DIP2B: variants seen among roughly 807,000 people sequenced by gnomAD.
DIP2B encodes the protein disco-interacting protein 2 homolog B.
In DIP2B, 76 loss-of-function variants were observed where a neutral mutation model predicts 198.0. The ratio of observed to expected loss-of-function variants is 0.38; its 90% CI spans 0.32 to 0.46. The LOEUF is 0.46. Ranked by LOEUF, DIP2B falls within the 20% of genes least tolerant of loss-of-function variation. The pLI, the probability that DIP2B is intolerant of heterozygous loss-of-function variation, is 0.99. For missense variants in DIP2B, 1,559 were observed against 1,978.4 expected, an observed-to-expected ratio of 0.79 and a Z score of 4.02; for synonymous variants, 701 against 739.1, an observed-to-expected ratio of 0.95 and a Z score of 0.84.
At chr12:50,671,037 A>C in intron 4 of DIP2B, 149 bp from the exon 5 acceptor site, 8 of 737,272 alleles carry the variant, frequency 1.1e-5, no homozygotes, top group Non-Finnish European at 1.7e-5. Context: ...CTTTTCCTTG[A>C]GATTCTTGAG....
chr12:50,743,641 C>T (rs568947970), intron 37 of DIP2B: 8 of 152,264 alleles, frequency 5.3e-5, no homozygotes, highest in African/African-American at 1.7e-4. Context: ...ACTATTCGTT[C>T]TACTCTTTCC....
In DIP2B at chr12:50,739,406, T is replaced by C; in HGVS notation, c.4177-3T>C. The C allele has an allele frequency of 1.2e-6, 2 of 1,601,048 alleles. No homozygotes were observed. The highest frequency in any genetic ancestry group is 2.3e-5 in the East Asian group (1 of 44,432). On this transcript the variant is annotated splice_polypyrimidine_tract_variant and splice_region_variant and intron_variant, in intron 35 of 37. Transcript: ENST00000301180. Reference sequence around the variant, plus strand: ...AGTTGTGATCAAAGCACTTTTCTTGTAGATTTGGGTGAACAGTCCCCATAC... The same window carrying C: ...AGTTGTGATCAAAGCACTTTTCTTGCAGATTTGGGTGAACAGTCCCCATAC...
intron 36 of DIP2B, 107 bp downstream of exon 36, chr12:50,739,693 C>T (rs1940205730): frequency 6.9e-6 from 9 of 1,313,568 alleles, no homozygotes; most frequent in Non-Finnish European, 9.5e-6. Context: ...TAGTTACTCC[C>T]TTCGGTGACT....
chr12:50,593,302 C>G (rs1008302078), intron 1 of DIP2B, among the ~76,000 whole-genome samples: 1 of 152,038 alleles, frequency 6.6e-6, no homozygotes, highest in Admixed American at 6.5e-5. Flanking sequence ...GTCAAGAGAT[C>G]GAGACCATCC....
chr12:50,562,667 G>T (rs1958529490), intron 1 of DIP2B, among the ~76,000 whole-genome samples: 1 of 151,790 alleles, frequency 6.6e-6, no homozygotes, highest in Admixed American at 6.6e-5. Flanking sequence ...TGGGGAAGTT[G>T]TCGAGGCTGC....
At chr12:50,539,005 T>G (rs1049650927) in intron 1 of DIP2B, among the ~76,000 whole-genome samples, 9 of 152,178 alleles carry the variant, frequency 5.9e-5, no homozygotes, top group African/African-American at 2.4e-5. Context: ...CTTGGAATAG[T>G]TACTGTTTTT....
chr12:50,514,147 C>T (rs1476412314), intron 1 of DIP2B, among the ~76,000 whole-genome samples: 7 of 147,970 alleles, frequency 4.7e-5, no homozygotes, highest in African/African-American at 1.7e-4. Context: ...CTCACCATAA[C>T]CTCCGCCTCC....
chr12:50,545,567 G>C (rs998026908), intron 1 of DIP2B, among the ~76,000 whole-genome samples: 6 of 151,832 alleles, frequency 4.0e-5, no homozygotes, highest in African/African-American at 1.2e-4. Context: ...TTTACAGATA[G>C]TGTCTTGCCA....
At chr12:50,651,535 C>A (rs1938453050) in intron 3 of DIP2B, among the ~76,000 whole-genome samples, 1 of 151,870 alleles carries the variant, frequency 6.6e-6, no homozygotes. Context: ...ATTTTTCATT[C>A]TTTTGCATGT....
intron 3 of DIP2B, among the ~76,000 whole-genome samples, chr12:50,648,299 T>G (rs1184477797): frequency 6.6e-6 from 1 of 152,216 alleles, no homozygotes; most frequent in Non-Finnish European, 1.5e-5. Flanking sequence ...GGAGATATGT[T>G]TACTGGCCAT....
At chr12:50,732,908 CT>C (rs889363693) in intron 32 of DIP2B, among the ~76,000 whole-genome samples, 52 of 146,622 alleles carry the variant, frequency 3.5e-4, no homozygotes, top group Admixed American at 4.8e-4. Context: ...TTTCCTTTTT[CT>C]TTTTTTTTTT....
At chr12:50,708,629 T>C (rs1470693882) in intron 22 of DIP2B, 67 bp downstream of exon 22, 1 of 1,322,960 alleles carries the variant, frequency 7.6e-7, no homozygotes, top group African/African-American at 1.5e-5. Context: ...CATTTCATTT[T>C]CTTCGATCAG....
At position 50,505,212 on chromosome 12, in the gene DIP2B, G is replaced by C; in HGVS notation, c.72G>C (p.Leu24=). The C allele has an allele frequency of 6.6e-7, 1 of 1,522,426 alleles. No individual in the cohort carries two copies. The highest frequency in any genetic ancestry group is 2.5e-5 in the East Asian group (1 of 39,232). The allele number at this position is 1,522,426 out of a possible 1,614,324, so 94.3% of individuals were successfully genotyped here. The change falls in exon 1 of 38, where the codon CTG becomes CTC. Residue 24 remains leucine, a synonymous_variant. Transcript: ENST00000301180. The stretch of plus-strand genomic sequence containing the variant: ...TGCCGCCTGAAGTGCGGGCGCAGCT[G>C]GCGGAGCTGGAGCTGGAGCTCTCGG... ...AALPPEVRAQ[L]AELELELSEG... is the part of the protein sequence containing the mutation.
chr12:50,703,995 T>C (rs1383839530), intron 19 of DIP2B, 145 bp from the exon 20 acceptor site: 2 of 528,614 alleles, frequency 3.8e-6, no homozygotes, highest in Non-Finnish European at 6.4e-6. Context: ...TTGTAATTAT[T>C]TCTTATCTCT....
At chr12:50,731,708 C>G (rs1429355206) in intron 31 of DIP2B, among the ~76,000 whole-genome samples, 171 bp downstream of exon 31, 1 of 152,228 alleles carries the variant, frequency 6.6e-6, no homozygotes, top group Non-Finnish European at 1.5e-5. Flanking sequence ...TTCCACCTTC[C>G]TAATTTAGTG....
chr12:50,539,555 G>T (rs1958300964), intron 1 of DIP2B, among the ~76,000 whole-genome samples: 1 of 150,466 alleles, frequency 6.6e-6, no homozygotes, highest in Admixed American at 6.7e-5. Flanking sequence ...GGCGGAGGTT[G>T]CAGTGAGCCA....
intron 23 of DIP2B, among the ~76,000 whole-genome samples, chr12:50,716,966 T>TTTTTTTTTTTTTTTTTTTG (rs1939735026): frequency 7.9e-6 from 1 of 126,560 alleles, no homozygotes; most frequent in African/African-American, 3.1e-5. Flanking sequence ...TGCTTTTTTT[T>TTTTTTTTTTTTTTTTTTTG]TTTTTTTTTT....
At chr12:50,672,373 G>C (rs952657068) in intron 5 of DIP2B, among the ~76,000 whole-genome samples, 2 of 152,072 alleles carry the variant, frequency 1.3e-5, no homozygotes, top group Admixed American at 6.6e-5. Flanking sequence ...CATTTCCTGA[G>C]CCTCCTGAAG....
At chr12:50,538,090 A>G (rs1487452565) in intron 1 of DIP2B, among the ~76,000 whole-genome samples, 2 of 152,130 alleles carry the variant, frequency 1.3e-5, no homozygotes, top group Non-Finnish European at 2.9e-5. Flanking sequence ...GGGCTAAGGG[A>G]AAGAGACAGA....
Sources: gnomAD v4.1 joint callset for allele counts (sites outside exome capture counted in the v4.1 genomes callset) on GRCh38, gnomAD v4.1.1 for gene constraint, MANE v1.5 for transcripts, NCBI Gene and HGNC (gene_info 2026-07-23, HGNC 2026-07-21) for gene names.